Variants in RPL11 observed in about 807,000 individuals in gnomAD.
RPL11 encodes large ribosomal subunit protein uL5.
In RPL11, 3 loss-of-function variants were observed where a neutral mutation model predicts 24.1. The ratio of observed to expected loss-of-function variants is 0.12; its 90% confidence interval spans 0.06 to 0.32. The LOEUF (loss-of-function observed/expected upper bound fraction) is 0.32, where lower values mean the gene tolerates loss of function less well. RPL11 is among the 10% of genes least tolerant of loss of function. The pLI, the probability that RPL11 is intolerant of heterozygous loss-of-function variation, is 1.00. For synonymous variants in RPL11, 96 were observed against 75.7 expected, an observed-to-expected ratio of 1.27 and a Z score of -1.39; for missense variants, 146 against 225.7, an observed-to-expected ratio of 0.65 and a Z score of 2.26.
chr1:23,694,525 T>G, intron 3 of RPL11, 135 bp from the exon 4 acceptor site: 1 of 1,175,006 alleles, frequency 8.5e-7, no homozygotes, highest in Non-Finnish European at 1.3e-6. Flanking sequence ...GAAGTCAGGT[T>G]GTGTTCTCAG....
At chr1:23,695,382 A>G (rs1644527287) in intron 4 of RPL11, 2 of 290,102 alleles carry the variant, frequency 6.9e-6, no homozygotes, top group Non-Finnish European at 1.3e-5. Flanking sequence ...TTGGAGGAAC[A>G]GCACACCTTT....
chr1:23,695,703 G>GTT, intron 4 of RPL11, 95 bp from the exon 5 acceptor site: 1 of 1,182,898 alleles, frequency 8.5e-7, no homozygotes. Context: ...GGGCTGCCAA[G>GTT]TGACTCTTTG....
chr1:23,691,921 G>C, intron 1 of RPL11, 92 bp downstream of exon 1: 6 of 1,554,082 alleles, frequency 3.9e-6, no homozygotes, highest in Non-Finnish European at 5.3e-6. Flanking sequence ...GCAGCCCGAG[G>C]AATATGGAGC....
chr1:23,695,486 G>A, intron 4 of RPL11: 1 of 396,290 alleles, frequency 2.5e-6, no homozygotes, highest in Non-Finnish European at 4.8e-6. Flanking sequence ...TGTGGCAATA[G>A]ATTTTTAAAT....
Position 23,696,559 on chromosome 1 carries a change from TC to T in RPL11, c.*188del. Reference sequence around the variant, plus strand: ...TTGGATGCCAGTATTTCCTGGCAGATCCAAGTCCAAGCTTCATAGCATTCAT... The same window carrying T: ...TTGGATGCCAGTATTTCCTGGCAGATCAAGTCCAAGCTTCATAGCATTCAT... On this transcript the variant is annotated 3_prime_UTR_variant, in exon 6 of 6. Coordinates refer to ENST00000643754, the MANE Select transcript of RPL11 (RefSeq NM_000975.5). 1.5e-6 allele frequency: 1 copy of T among 661,890 alleles called. No individual in the cohort carries two copies. Among genetic ancestry groups the T allele is most frequent in the South Asian group, 1.7e-5 (1 of 57,750 alleles). 41.0% of individuals were successfully genotyped at this position (661,890 alleles called of 1,614,324 possible).
At chr1:23,695,566 G>T (rs1570568814) in intron 4 of RPL11, 1 of 559,684 alleles carries the variant, frequency 1.8e-6, no homozygotes, top group East Asian at 3.1e-5. Context: ...CTGGAAAATA[G>T]GCTGGGTTAG....
chr1:23,694,999 G>A, intron 4 of RPL11: 2 of 710,458 alleles, frequency 2.8e-6, no homozygotes, highest in Admixed American at 2.3e-5. Context: ...CCTGCTGTTG[G>A]GGAACTTGCA....
chr1:23,694,031 TAAA>T, intron 3 of RPL11, 118 bp downstream of exon 3: 1 of 817,064 alleles, frequency 1.2e-6, no homozygotes, highest in Non-Finnish European at 2.0e-6. Context: ...CTTAAGCTTC[TAAA>T]AGGCTTTTTC....
At chr1:23,693,574 T>TA (rs1271192303) in intron 2 of RPL11, among the ~76,000 whole-genome samples, 1 of 152,230 alleles carries the variant, frequency 6.6e-6, no homozygotes, top group Non-Finnish European at 1.5e-5. Flanking sequence ...ACTTCGGCGT[T>TA]ATGACTGTTC....
At position 23,695,926 on chromosome 1, in the gene RPL11, C is replaced by G; in HGVS notation, c.507+18C>G. On this transcript the variant is annotated intron_variant, in intron 5 of 5. Coordinates refer to ENST00000643754, the MANE Select transcript of RPL11 (RefSeq NM_000975.5). ...AGCAGAAGGTAAAGCTGATTTATCT[C>G]AAGTGAAGTGGTGGAATGTGATGTT... 1 of 1,558,414 alleles carries G rather than the reference C, an allele frequency of 6.4e-7. No individual in the cohort carries two copies. Among genetic ancestry groups the G allele is most frequent in the African/African-American group, 1.4e-5 (1 of 73,752 alleles).
intron 2 of RPL11, 25 bp downstream of exon 2, chr1:23,692,784 G>A (rs1207538210): frequency 6.2e-7 from 1 of 1,612,404 alleles, no homozygotes. Flanking sequence ...GGACATACAG[G>A]GTTTGCCTGC....
At chr1:23,696,063 G>C in intron 5 of RPL11, 155 bp downstream of exon 5, 1 of 827,554 alleles carries the variant, frequency 1.2e-6, no homozygotes, top group Non-Finnish European at 2.0e-6. Context: ...CAGGGATGAT[G>C]GTTTAAAAGA....
intron 5 of RPL11, 148 bp from the exon 6 acceptor site, chr1:23,696,196 C>T (rs377429327): frequency 3.6e-5 from 30 of 832,538 alleles, no homozygotes; most frequent in Non-Finnish European, 6.0e-5. Context: ...GTGTAAAAAC[C>T]AGCCAGCTTC....
intron 1 of RPL11, 181 bp downstream of exon 1, chr1:23,692,010 C>T (rs1644502892): frequency 5.9e-6 from 5 of 851,056 alleles, no homozygotes; most frequent in Non-Finnish European, 9.5e-6. Flanking sequence ...CTTTCCCTGC[C>T]ATCGTTTTAG....
chr1:23,693,922 A>C lies in RPL11; in HGVS notation c.264+9A>C. On this transcript the variant is annotated intron_variant, in intron 3 of 5. Transcript: ENST00000643754. ...TGGAGAAGGGTCTAAAGGTGAGCCT[A>C]ATCCCCTAATGGAGTGATATTGATC... is the stretch of plus-strand genomic sequence containing the variant. 1 of 1,596,244 alleles carries C rather than the reference A, an allele frequency of 6.3e-7. No individual in the cohort carries two copies. The highest frequency in any genetic ancestry group is 8.6e-7 in the Non-Finnish European group (1 of 1,163,690).
At position 23,693,910 on chromosome 1, in the gene RPL11, A is replaced by G. The variant is rs1644517535; in HGVS notation, c.261A>G (p.Leu87=). Residue 87 remains leucine (L), a synonymous_variant, in exon 3 of 6, where the codon CTA becomes CTG. Coordinates refer to ENST00000643754, the MANE Select transcript of RPL11 (RefSeq NM_000975.5). ...CAGAAGAAATCTTGGAGAAGGGTCT[A>G]AAGGTGAGCCTAATCCCCTAATGGA... The part of the protein sequence containing the change: ...AKAEEILEKG[L]KVREYELRKN... The G allele has an allele frequency of 1.2e-6, 2 of 1,612,596 alleles. No individual in the cohort carries two copies. Among genetic ancestry groups the G allele is most frequent in the Middle Eastern group, 1.6e-4 (1 of 6,082 alleles).
At chr1:23,692,858 C>A in intron 2 of RPL11, 99 bp downstream of exon 2, 1 of 1,485,224 alleles carries the variant, frequency 6.7e-7, no homozygotes, top group Non-Finnish European at 9.3e-7. Flanking sequence ...TGACAGTCGG[C>A]ATCACTTAAA....
At position 23,696,556 on chromosome 1, in the gene RPL11, A is replaced by G. The variant is rs1204840602; in HGVS notation, c.*183A>G. ...TGATTGGATGCCAGTATTTCCTGGC[A>G]GATCCAAGTCCAAGCTTCATAGCAT... is the stretch of plus-strand genomic sequence containing the variant. On this transcript the variant is annotated 3_prime_UTR_variant, in exon 6 of 6. Coordinates refer to ENST00000643754, the MANE Select transcript of RPL11 (RefSeq NM_000975.5). 2 of 668,882 alleles carry G rather than the reference A, an allele frequency of 3.0e-6. No homozygotes were observed. Among genetic ancestry groups the G allele is most frequent in the Non-Finnish European group, 5.4e-6 (2 of 371,850 alleles). The allele number at this position is 668,882 out of a possible 1,614,324, so 41.4% of individuals were successfully genotyped here.
chr1:23,692,478 A>G, intron 1 of RPL11, 131 bp from the exon 2 acceptor site: 3 of 1,185,374 alleles, frequency 2.5e-6, no homozygotes, highest in South Asian at 2.5e-5. Flanking sequence ...TAAACATTAT[A>G]CCTTTTAAAC....
Sources: gnomAD v4.1 joint callset for allele counts (sites outside exome capture counted in the v4.1 genomes callset) on GRCh38, gnomAD v4.1.1 for gene constraint, MANE v1.5 for transcripts, NCBI Gene and HGNC (gene_info 2026-07-23, HGNC 2026-07-21) for gene names.